Variants in PHLPP1 observed in about 807,000 individuals in gnomAD.
PHLPP1 encodes the protein PH domain leucine-rich repeat-containing protein phosphatase 1.
In PHLPP1, 42 loss-of-function variants were observed where a neutral mutation model predicts 117.2. That is an observed-to-expected ratio of 0.36 (90% CI 0.28 to 0.46). The LOEUF (loss-of-function observed/expected upper bound fraction) is 0.46. PHLPP1 is among the 20% of genes least tolerant of loss of function. PHLPP1 has a pLI of 1.00. For missense variants in PHLPP1, 2,084 were observed against 2,241.9 expected (o/e 0.93, Z 1.42); for synonymous variants, 1,042 against 970.7 (o/e 1.07, Z -1.37).
intron 6 of PHLPP1, among the ~76,000 whole-genome samples, chr18:62,896,723 C>T (rs1304871778): frequency 6.6e-6 from 1 of 152,138 alleles, no homozygotes; most frequent in Non-Finnish European, 1.5e-5. Flanking sequence ...CCTCAGCCTC[C>T]CAAGTACTCA....
At chr18:62,733,782 C>T (rs889965138) in intron 1 of PHLPP1, among the ~76,000 whole-genome samples, 9 of 152,158 alleles carry the variant, frequency 5.9e-5, no homozygotes, top group African/African-American at 9.7e-5. Context: ...GTGTTGCCCT[C>T]GAAGGACTAG....
chr18:62,918,483 C>T (rs954980755), intron 9 of PHLPP1, among the ~76,000 whole-genome samples: 2 of 146,768 alleles, frequency 1.4e-5, no homozygotes, highest in Admixed American at 1.4e-4. Context: ...GCTGGAGTGA[C>T]CATTACAGAG....
intron 1 of PHLPP1, among the ~76,000 whole-genome samples, chr18:62,828,690 G>C (rs1447202016): frequency 6.6e-6 from 1 of 152,080 alleles, no homozygotes; most frequent in African/African-American, 2.4e-5. Flanking sequence ...TGTTCTTCCT[G>C]TTCCCTAATA....
At chr18:62,903,239 C>T in intron 7 of PHLPP1, 73 bp downstream of exon 7, 1 of 1,020,902 alleles carries the variant, frequency 9.8e-7, no homozygotes, top group Non-Finnish European at 1.5e-6. Flanking sequence ...ATTTCTGCTT[C>T]TGATTATTCT....
chr18:62,819,592 A>G (rs1488995842), intron 1 of PHLPP1, among the ~76,000 whole-genome samples: 1 of 152,212 alleles, frequency 6.6e-6, no homozygotes, highest in Non-Finnish European at 1.5e-5. Context: ...TAAAAGACAG[A>G]TTATCAGATT....
chr18:62,808,061 T>C lies in PHLPP1; in HGVS notation c.1577-21974T>C, dbSNP rs144879646. 1.4e-3 allele frequency among the ~76,000 whole-genome samples: 209 copies of C among 152,368 alleles called. 1 individual carries two copies. The highest frequency in any genetic ancestry group is 4.7e-3 in the African/African-American group (194 of 41,594). On this transcript the variant is annotated intron_variant, in intron 1 of 16. Transcript: ENST00000262719. ...GTGGTCTGTCTTGACCAAAAAGTTA[T>C]GCGGTGCATGACTGTGTTTTTTAAA...
At chr18:62,766,645 C>T (rs923387456) in intron 1 of PHLPP1, among the ~76,000 whole-genome samples, 41 of 152,176 alleles carry the variant, frequency 2.7e-4, no homozygotes, top group African/African-American at 9.2e-4. Flanking sequence ...TTCCAACCTA[C>T]GCTTTATTAG....
chr18:62,905,177 T>C (rs773885808), intron 7 of PHLPP1, 47 bp from the exon 8 acceptor site: 1 of 1,219,726 alleles, frequency 8.2e-7, no homozygotes, highest in Non-Finnish European at 1.1e-6. Flanking sequence ...AGTCTCTATG[T>C]CATTTGTATA....
At chr18:62,779,206 C>G (rs914683459) in intron 1 of PHLPP1, among the ~76,000 whole-genome samples, 4 of 152,068 alleles carry the variant, frequency 2.6e-5, no homozygotes, top group African/African-American at 4.8e-5. Flanking sequence ...CTCCTTAGGC[C>G]TTTGTATTTG....
intron 10 of PHLPP1, among the ~76,000 whole-genome samples, chr18:62,932,641 C>G (rs1437494776): frequency 6.6e-6 from 1 of 152,162 alleles, no homozygotes; most frequent in Non-Finnish European, 1.5e-5. Context: ...CCATCTATGA[C>G]AAACCCACAG....
chr18:62,765,885 C>A (rs530863125), intron 1 of PHLPP1, among the ~76,000 whole-genome samples: 1 of 149,978 alleles, frequency 6.7e-6, no homozygotes, highest in Non-Finnish European at 1.5e-5. Flanking sequence ...GTAGTCCCAG[C>A]TACTCGGGAG....
At chr18:62,892,229 C>T (rs1916444677) in intron 4 of PHLPP1, among the ~76,000 whole-genome samples, 1 of 151,530 alleles carries the variant, frequency 6.6e-6, no homozygotes, top group African/African-American at 2.4e-5. Context: ...GCTGGGACTA[C>T]AGGTGCACAC....
intron 14 of PHLPP1, among the ~76,000 whole-genome samples, chr18:62,968,687 G>A (rs1172007144): frequency 2.0e-5 from 3 of 151,740 alleles, no homozygotes; most frequent in South Asian, 2.1e-4. Context: ...GCAGGTGTGC[G>A]CCACCACGCC....
At chr18:62,802,786 A>G (rs1034569229) in intron 1 of PHLPP1, among the ~76,000 whole-genome samples, 2 of 151,966 alleles carry the variant, frequency 1.3e-5, no homozygotes, top group African/African-American at 4.8e-5. Context: ...CAACTTGTGA[A>G]GTTGTCTTGA....
intron 1 of PHLPP1, among the ~76,000 whole-genome samples, chr18:62,761,019 T>C (rs1460056115): frequency 6.6e-6 from 1 of 151,904 alleles, no homozygotes; most frequent in Non-Finnish European, 1.5e-5. Context: ...GCCACCACAC[T>C]GTCCAGCTAG....
intron 12 of PHLPP1, among the ~76,000 whole-genome samples, chr18:62,947,779 G>A (rs556702235): frequency 6.6e-6 from 1 of 152,326 alleles, no homozygotes; most frequent in Non-Finnish European, 1.5e-5. Flanking sequence ...TGTAATCCCA[G>A]CACTTTGGGA....
Position 62,716,076 on chromosome 18 carries a change from C to G in PHLPP1, c.393C>G (p.Ser131=). 7 of 1,486,386 alleles carry G rather than the reference C, an allele frequency of 4.7e-6. No individual in the cohort carries two copies. In the South Asian group the frequency reaches 5.2e-5, roughly 11 times the overall value. The allele number at this position is 1,486,386 out of a possible 1,614,324, so 92.1% of individuals were successfully genotyped here. A position where few individuals can be genotyped will look rare whatever the true frequency, so the allele number is the denominator to read the frequency against. The change falls in exon 1 of 17, where the codon TCC becomes TCG. Residue 131 remains serine, a synonymous_variant. Transcript: ENST00000262719. The surrounding 1 kb of genome is among the most constrained non-coding windows in gnomAD (Gnocchi z 5.7). ...GAGGGCGGCTGAAGAGGAATCTGTC[C>G]GCGGCCGCCGCGGCCGCCTCCTCGT... ...LRRGRLKRNL[S]AAAAAASSSS...
At chr18:62,957,196 T>C (rs939730368) in intron 12 of PHLPP1, among the ~76,000 whole-genome samples, 6 of 152,222 alleles carry the variant, frequency 3.9e-5, no homozygotes, top group African/African-American at 1.4e-4. Flanking sequence ...GTTTCTCTTG[T>C]GTATGCTGAG....
At chr18:62,925,423 G>C (rs1164852355) in intron 10 of PHLPP1, among the ~76,000 whole-genome samples, 2 of 152,178 alleles carry the variant, frequency 1.3e-5, no homozygotes, top group Admixed American at 1.3e-4. Context: ...TTGGGGAAGT[G>C]TATGTTCAAA....
Sources: allele counts gnomAD v4.1 joint callset (sites outside exome capture counted in the v4.1 genomes callset), GRCh38; gene constraint gnomAD v4.1.1; non-coding constraint Gnocchi (gnomAD v3.1); transcripts MANE v1.5; gene names NCBI Gene and HGNC (gene_info 2026-07-23, HGNC 2026-07-21).